Variants in NRDE2 observed in about 807,000 individuals in gnomAD.
NRDE2 encodes the protein NRDE-2, necessary for RNA interference, domain containing, also known as nuclear exosome regulator NRDE2.
NRDE2 carries 76 observed loss-of-function variants against 124.2 expected under a neutral mutation model. That is an observed-to-expected ratio of 0.61 (90% CI 0.51 to 0.74). The LOEUF (loss-of-function observed/expected upper bound fraction) is 0.74. Among genes scored for constraint, NRDE2 ranks in the 30% least tolerant of loss-of-function variants. The pLI, the probability that NRDE2 is intolerant of heterozygous loss-of-function variation, is 0.00. For missense variants in NRDE2, 1,314 were observed against 1,417.3 expected (o/e 0.93, Z 1.17); for synonymous variants, 489 against 528.1 (o/e 0.93, Z 1.01).
chr14:90,280,184 A>C (rs914297587), intron 12 of NRDE2: 9 of 151,922 alleles, frequency 5.9e-5, no homozygotes, highest in African/African-American at 2.2e-4. Flanking sequence ...GGGCTCAAGC[A>C]GTCCTCCCAC....
rs141183940 is a variant in NRDE2, at chr14:90,275,010, T to A, written c.*3326A>T. 3.9e-5 allele frequency: 6 copies of A among 152,324 alleles called. No homozygotes were observed. The highest frequency in any genetic ancestry group is 9.6e-5 in the African/African-American group (4 of 41,556). 9.4% of individuals were successfully genotyped at this position (152,324 alleles called of 1,614,324 possible). On this transcript the variant is annotated 3_prime_UTR_variant, in exon 14 of 14. Transcript: ENST00000354366. Reference sequence around the variant, plus strand: ...TGCACATCATCAGTAATGGGCACTTTGAAAGTACGTGCCACCCAAGAGTGT... The same window carrying A: ...TGCACATCATCAGTAATGGGCACTTAGAAAGTACGTGCCACCCAAGAGTGT...
At position 90,290,388 on chromosome 14, in the gene NRDE2, T is replaced by C. The variant is rs1892240503; in HGVS notation, c.2062A>G (p.Ser688Gly). Residue 688 changes from serine to glycine, a missense_variant, in exon 10 of 14, where the codon AGC becomes GGC. Coordinates refer to ENST00000354366, the MANE Select transcript of NRDE2 (RefSeq NM_017970.4). ...TFFNPLFSGA[S>G]CVGRMDRLGY... ...AACCTATCCATGCGGCCAACACAGC[T>C]AGCCCCAGAAAACAAAGGGTTGAAA... 1 of 1,614,080 alleles carries C rather than the reference T, an allele frequency of 6.2e-7. No homozygotes were observed. The highest frequency in any genetic ancestry group is 8.5e-7 in the Non-Finnish European group (1 of 1,180,022).
In NRDE2 at chr14:90,288,708, G is replaced by A. The variant is rs1467913115; in HGVS notation, c.2667C>T (p.Ser889=). 1 of 1,614,188 alleles carries A rather than the reference G, an allele frequency of 6.2e-7. No homozygotes were observed. Among genetic ancestry groups the A allele is most frequent in the South Asian group, 1.1e-5 (1 of 91,090 alleles). ...EHALQDCLGD[S]CVSNPAPTDS... ...CGGTGGGAGCTGGATTGGAGACACA[G>A]CTGTCACCCAAACAGTCCTGCAGTG... The change falls in exon 11 of 14, where the codon AGC becomes AGT. Residue 889 remains serine (S), a synonymous_variant. Transcript: ENST00000354366.
At chr14:90,321,826 C>T in intron 1 of NRDE2, among the ~76,000 whole-genome samples, 1 of 152,160 alleles carries the variant, frequency 6.6e-6, no homozygotes, top group East Asian at 1.9e-4. Flanking sequence ...CTTTTCTTAG[C>T]CAAGGAACTC....
chr14:90,302,610 A>C, intron 6 of NRDE2, 110 bp downstream of exon 6: 1 of 1,220,952 alleles, frequency 8.2e-7, no homozygotes, highest in Non-Finnish European at 1.1e-6. Context: ...CAGTTCTATC[A>C]AACAATTTAG....
At chr14:90,282,494 A>G (rs1373578791) in intron 12 of NRDE2, among the ~76,000 whole-genome samples, 1 of 152,042 alleles carries the variant, frequency 6.6e-6, no homozygotes, top group African/African-American at 2.4e-5. Flanking sequence ...AAAAAACAAA[A>G]AAAACTTTGG....
rs762950565 is a variant in NRDE2 at position 90,301,347 on chromosome 14, A to G, written c.1437T>C (p.Phe479=). 2 of 1,613,986 alleles carry G rather than the reference A, an allele frequency of 1.2e-6. No individual in the cohort carries two copies. Among genetic ancestry groups the G allele is most frequent in the South Asian group, 1.1e-5 (1 of 91,070 alleles). ...MFALFLQQCH[F]LRQAGHSEKA... The stretch of plus-strand genomic sequence containing the variant: ...TCTCAGAGTGGCCAGCCTGCCGCAG[A>G]AAGTGGCACTGCTGAAGAAAGAGTG... Residue 479 remains phenylalanine, a synonymous_variant, in exon 7 of 14, where the codon TTT becomes TTC. Coordinates refer to ENST00000354366, the MANE Select transcript of NRDE2 (RefSeq NM_017970.4).
chr14:90,269,734 C>T lies in NRDE2; in HGVS notation c.*8602G>A, dbSNP rs1279069548. 5 of 531,154 alleles carry T rather than the reference C, an allele frequency of 9.4e-6. No homozygotes were observed. The highest frequency in any genetic ancestry group is 1.6e-5 in the Non-Finnish European group (5 of 317,418). 32.9% of individuals were successfully genotyped at this position (531,154 alleles called of 1,614,324 possible). ...AACAGAGCATGATATGGTCTGTGCACCTTGGCCCTTTGAATTCCAGTCTTA... is the reference window on the plus strand; with the variant it reads ...AACAGAGCATGATATGGTCTGTGCATCTTGGCCCTTTGAATTCCAGTCTTA... On this transcript the variant is annotated 3_prime_UTR_variant, in exon 14 of 14. Coordinates refer to ENST00000354366, the MANE Select transcript of NRDE2 (RefSeq NM_017970.4).
chr14:90,268,806 C>G lies in NRDE2; in HGVS notation c.*9530G>C, dbSNP rs1194779276. 5.8e-6 allele frequency: 1 copy of G among 173,088 alleles called. No individual in the cohort carries two copies. The highest frequency in any genetic ancestry group is 1.2e-5 in the Non-Finnish European group (1 of 81,832). The allele number at this position is 173,088 out of a possible 1,614,324, so 10.7% of individuals were successfully genotyped here. A position where few individuals can be genotyped will look rare whatever the true frequency, so the allele number is the denominator to read the frequency against. On this transcript the variant is annotated 3_prime_UTR_variant, in exon 14 of 14. Coordinates refer to ENST00000354366, the MANE Select transcript of NRDE2 (RefSeq NM_017970.4). ...TGCTATGAAAAAATATGATCTGTAA[C>G]TTGGCTGATGGGAGCGTCTTAGTCC...
intron 9 of NRDE2, among the ~76,000 whole-genome samples, chr14:90,292,469 C>A (rs1042615721): frequency 2.0e-5 from 3 of 152,234 alleles, no homozygotes; most frequent in Non-Finnish European, 4.4e-5. Context: ...GCTCTCTGGT[C>A]AAGCACCTAT....
chr14:90,327,459 G>A (rs545116489), intron 1 of NRDE2, among the ~76,000 whole-genome samples: 6 of 151,986 alleles, frequency 3.9e-5, no homozygotes, highest in South Asian at 2.1e-4. Flanking sequence ...TGAGACAGGC[G>A]GACTGCTTGA....
chr14:90,315,531 T>C (rs1885013996), intron 3 of NRDE2, among the ~76,000 whole-genome samples: 1 of 152,164 alleles, frequency 6.6e-6, no homozygotes, highest in East Asian at 1.9e-4. Flanking sequence ...AGTTTCACCA[T>C]ATACCACCTG....
chr14:90,319,430 T>C (rs1259010522), intron 1 of NRDE2, among the ~76,000 whole-genome samples: 1 of 152,144 alleles, frequency 6.6e-6, no homozygotes, highest in African/African-American at 2.4e-5. Context: ...CTTTAGAACA[T>C]TTTCATCATC....
rs147075675 is a variant in NRDE2, at chr14:90,285,602, G to A, written c.3297+752C>T. 3.6e-3 allele frequency among the ~76,000 whole-genome samples: 547 copies of A among 151,354 alleles called. 4 individuals carry two copies. Among genetic ancestry groups the A allele is most frequent in the African/African-American group, 0.013 (529 of 41,318 alleles). ...CAGGCATGAGCCACCATGCCCAGCC[G>A]GAAATGTTGATTTTAAAAATTACAT... On this transcript the variant is annotated intron_variant, in intron 12 of 13. Transcript: ENST00000354366.
At chr14:90,305,402 C>A (rs1272859122) in intron 4 of NRDE2, among the ~76,000 whole-genome samples, 1 of 152,220 alleles carries the variant, frequency 6.6e-6, no homozygotes, top group Admixed American at 6.5e-5. Context: ...TAACCTATGA[C>A]CCAGCAATTC....
At chr14:90,300,801 G>A (rs765363485) in intron 7 of NRDE2, among the ~76,000 whole-genome samples, 8 of 117,636 alleles carry the variant, frequency 6.8e-5, no homozygotes, top group Non-Finnish European at 1.4e-4. Flanking sequence ...AAAATGGCAT[G>A]ACAACTGTTT....
chr14:90,324,413 T>C (rs1355824892), intron 1 of NRDE2, among the ~76,000 whole-genome samples: 2 of 152,078 alleles, frequency 1.3e-5, no homozygotes, highest in East Asian at 1.9e-4. Flanking sequence ...GGGTGGCTCA[T>C]GCCTGCAATC....
chr14:90,293,075 C>A (rs963466160), intron 8 of NRDE2, among the ~76,000 whole-genome samples: 3 of 152,070 alleles, frequency 2.0e-5, no homozygotes, highest in African/African-American at 4.8e-5. Context: ...ACAAGGTGAT[C>A]AAATCAAATT....
chr14:90,283,368 G>A (rs569118595), intron 12 of NRDE2, among the ~76,000 whole-genome samples: 1 of 152,160 alleles, frequency 6.6e-6, no homozygotes, highest in African/African-American at 2.4e-5. Context: ...TAAAAATATT[G>A]TACATTTGCA....
Sources: allele counts gnomAD v4.1 joint callset (sites outside exome capture counted in the v4.1 genomes callset), GRCh38; gene constraint gnomAD v4.1.1; transcripts MANE v1.5; gene names NCBI Gene and HGNC (gene_info 2026-07-23, HGNC 2026-07-21).